Variants in HACD3 observed in about 807,000 individuals in gnomAD.
HACD3 encodes very-long-chain (3R)-3-hydroxyacyl-CoA dehydratase 3.
A neutral mutation model predicts 55.2 loss-of-function variants in HACD3; 30 were observed. The ratio of observed to expected loss-of-function variants is 0.54; its 90% confidence interval spans 0.41 to 0.74. The LOEUF is 0.74. Among genes scored for constraint, HACD3 ranks in the 30% least tolerant of loss-of-function variants. HACD3 has a pLI of 0.00. For synonymous variants in HACD3, 141 were observed against 151.7 expected (o/e 0.93, Z 0.52); for missense variants, 363 against 440.1 (o/e 0.82, Z 1.57).
chr15:65,564,533 G>A (rs542043475), intron 7 of HACD3, 191 bp downstream of exon 7: 57 of 660,020 alleles, frequency 8.6e-5, no homozygotes, highest in Middle Eastern at 8.8e-4. Flanking sequence ...GGTGGAGGGC[G>A]AAAGGCACTT....
At chr15:65,533,823 G>T (rs552922292) in intron 1 of HACD3, among the ~76,000 whole-genome samples, 1 of 151,588 alleles carries the variant, frequency 6.6e-6, no homozygotes, top group African/African-American at 2.4e-5. Context: ...AGGCCGAGAC[G>T]GGCGGATCAT....
rs144050715 is a variant in HACD3 at position 65,553,950 on chromosome 15, G to A, written c.131-937G>A. 1.1e-3 allele frequency among the ~76,000 whole-genome samples: 166 copies of A among 152,318 alleles called. 1 individual carries two copies. In the Middle Eastern group the frequency reaches 0.014, roughly 12 times the overall value. ...AGGAGCCATGTCAAGGCATAGGGAT[G>A]GGGCATTGGCCAACTCAGGTACTTC... On this transcript the variant is annotated intron_variant, in intron 2 of 10. Transcript: ENST00000261875.
chr15:65,533,964 T>G (rs1303898667), intron 1 of HACD3, among the ~76,000 whole-genome samples: 2 of 150,064 alleles, frequency 1.3e-5, no homozygotes, highest in African/African-American at 4.9e-5. Flanking sequence ...GGCAGGAGAA[T>G]GGCGTGAACC....
intron 1 of HACD3, among the ~76,000 whole-genome samples, chr15:65,531,648 C>T (rs1316927151): frequency 6.6e-6 from 1 of 152,018 alleles, no homozygotes; most frequent in Admixed American, 6.5e-5. Flanking sequence ...TCACCGCAAC[C>T]TCTGCCTCCC....
intron 1 of HACD3, chr15:65,535,578 A>G: frequency 2.5e-6 from 1 of 395,336 alleles, no homozygotes; most frequent in East Asian, 3.6e-5. Flanking sequence ...CATTTTTCCA[A>G]CAGCATGTGT....
At chr15:65,554,446 G>A (rs1337862291) in intron 2 of HACD3, among the ~76,000 whole-genome samples, 1 of 152,068 alleles carries the variant, frequency 6.6e-6, no homozygotes, top group Non-Finnish European at 1.5e-5. Flanking sequence ...AAGATTTGTG[G>A]ACTACGATGC....
intron 1 of HACD3, among the ~76,000 whole-genome samples, chr15:65,534,717 A>G (rs1247351601): frequency 6.6e-6 from 1 of 151,932 alleles, no homozygotes; most frequent in East Asian, 1.9e-4. Flanking sequence ...TATTACACTT[A>G]TGCTCTAGTG....
At chr15:65,554,181 G>C (rs2072163775) in intron 2 of HACD3, among the ~76,000 whole-genome samples, 1 of 152,158 alleles carries the variant, frequency 6.6e-6, no homozygotes, top group Non-Finnish European at 1.5e-5. Context: ...ATTTTTGTCT[G>C]CTCTAGATTT....
At chr15:65,551,104 C>T (rs1431757690) in intron 1 of HACD3, 1 of 152,358 alleles carries the variant, frequency 6.6e-6, no homozygotes, top group Admixed American at 6.5e-5. Flanking sequence ...GCCCTTCCCT[C>T]TACCTGTTGG....
chr15:65,547,262 G>A (rs1474890092), intron 1 of HACD3, among the ~76,000 whole-genome samples: 4 of 152,066 alleles, frequency 2.6e-5, no homozygotes, highest in African/African-American at 7.2e-5. Context: ...GATTACAGGC[G>A]CACGCCATCA....
At chr15:65,539,345 C>T (rs1443752391) in intron 1 of HACD3, among the ~76,000 whole-genome samples, 3 of 150,822 alleles carry the variant, frequency 2.0e-5, no homozygotes, top group Non-Finnish European at 2.9e-5. Context: ...CTCAGCCTCC[C>T]GAGTAGCTGG....
chr15:65,552,927 G>A (rs57953660), intron 2 of HACD3, among the ~76,000 whole-genome samples: 1 of 150,248 alleles, frequency 6.7e-6, no homozygotes. Context: ...CCACCTATGA[G>A]TGAGAATATG....
intron 1 of HACD3, among the ~76,000 whole-genome samples, chr15:65,543,682 A>C (rs1253817519): frequency 2.0e-5 from 3 of 152,186 alleles, no homozygotes; most frequent in Non-Finnish European, 4.4e-5. Context: ...CCAACCAAAG[A>C]AACTATGCCT....
At position 65,554,870 on chromosome 15, in the gene HACD3, C is replaced by T. The variant is rs2072172922; in HGVS notation, c.131-17C>T. Reference sequence around the variant, plus strand: ...CTCTGCTCAAGTTTGCAGTAACCCACATTTCTTTCTTTATAGCTCAAGGAC... The same window carrying T: ...CTCTGCTCAAGTTTGCAGTAACCCATATTTCTTTCTTTATAGCTCAAGGAC... On this transcript the variant is annotated splice_polypyrimidine_tract_variant and intron_variant, in intron 2 of 10. Transcript: ENST00000261875. 6.3e-7 allele frequency: 1 copy of T among 1,598,004 alleles called. No homozygotes were observed. The highest frequency in any genetic ancestry group is 8.6e-7 in the Non-Finnish European group (1 of 1,165,550).
chr15:65,577,977 G>C lies in HACD3; in HGVS notation c.*1598G>C, dbSNP rs1253175822. 6.6e-6 allele frequency: 1 copy of C among 152,570 alleles called. No homozygotes were observed. The highest frequency in any genetic ancestry group is 2.4e-5 in the African/African-American group (1 of 41,450). The allele number at this position is 152,570 out of a possible 1,614,324, so 9.5% of individuals were successfully genotyped here. A position where few individuals can be genotyped will look rare whatever the true frequency, so the allele number is the denominator to read the frequency against. ...GCATAAAAGAATTTAAGGAGTGATA[G>C]CTCTTTCTGTTCTGCCATTCCCAAC... is the stretch of plus-strand genomic sequence containing the variant. On this transcript the variant is annotated 3_prime_UTR_variant, in exon 11 of 11. Transcript: ENST00000261875.
intron 1 of HACD3, among the ~76,000 whole-genome samples, chr15:65,532,933 G>T (rs2071917187): frequency 6.6e-6 from 1 of 152,156 alleles, no homozygotes; most frequent in Non-Finnish European, 1.5e-5. Flanking sequence ...GTTTTGTGTA[G>T]GAGTATGTTT....
rs1416700593 is a variant in HACD3, at chr15:65,577,805, G to C, written c.*1426G>C. On this transcript the variant is annotated 3_prime_UTR_variant, in exon 11 of 11. Coordinates refer to ENST00000261875, the MANE Select transcript of HACD3 (RefSeq NM_016395.4). ...AGCAAGAACTTCGGGGTGAACACCC[G>C]CTGATCCTTTAACAAGGATTTCTGG... 1 of 152,478 alleles carries C rather than the reference G, an allele frequency of 6.6e-6. No homozygotes were observed. Among genetic ancestry groups the C allele is most frequent in the African/African-American group, 2.4e-5 (1 of 41,446 alleles). The allele number at this position is 152,478 out of a possible 1,614,324, so 9.4% of individuals were successfully genotyped here.
intron 1 of HACD3, among the ~76,000 whole-genome samples, chr15:65,549,569 C>CA (rs1456643861): frequency 7.1e-6 from 1 of 141,072 alleles, no homozygotes; most frequent in Non-Finnish European, 1.5e-5. Flanking sequence ...CACTGTACTC[C>CA]AGCCTGGGTG....
intron 3 of HACD3, 124 bp downstream of exon 3, chr15:65,555,084 T>A: frequency 2.6e-6 from 2 of 774,234 alleles, no homozygotes; most frequent in Admixed American, 4.7e-5. Flanking sequence ...AATAGAGTTC[T>A]TTTATTTGGA....
Sources: gnomAD v4.1 joint callset for allele counts (sites outside exome capture counted in the v4.1 genomes callset) on GRCh38, gnomAD v4.1.1 for gene constraint, MANE v1.5 for transcripts, NCBI Gene and HGNC (gene_info 2026-07-23, HGNC 2026-07-21) for gene names.